SLC16A2: variants seen among roughly 807,000 people sequenced by gnomAD.
The protein encoded by SLC16A2 is solute carrier family 16 member 2.
Under a neutral mutation model 27.2 loss-of-function variants are expected in SLC16A2, and 3 were observed. The observed-to-expected ratio is 0.11, with a 90% CI of 0.05 to 0.28. The LOEUF is 0.28. Ranked by LOEUF, SLC16A2 falls within the 10% of genes least tolerant of loss-of-function variation. The probability of loss-of-function intolerance (pLI) is 1.00; values close to 1 mark genes in which losing one functional copy is unlikely to be tolerated. For synonymous variants in SLC16A2, 202 were observed against 187.8 expected (o/e 1.08, Z -0.62); for missense variants, 295 against 458.5 (o/e 0.64, Z 3.26).
intron 2 of SLC16A2, among the ~76,000 whole-genome samples, chrX:74,524,077 CTA>C (rs1339143616): frequency 9.0e-6 from 1 of 111,629 alleles, no homozygotes; most frequent in Non-Finnish European, 1.9e-5. Flanking sequence ...TGATGGGGTG[CTA>C]TGAGTCATGC....
intron 1 of SLC16A2, among the ~76,000 whole-genome samples, chrX:74,434,928 A>G (rs1258372627): frequency 9.5e-6 from 1 of 105,109 alleles, no homozygotes; most frequent in African/African-American, 3.5e-5. Flanking sequence ...GGTTCAAGCG[A>G]TTCTCCTGCC....
chrX:74,482,724 G>A (rs1209572076), intron 1 of SLC16A2, among the ~76,000 whole-genome samples: 1 of 109,786 alleles, frequency 9.1e-6, no homozygotes, highest in African/African-American at 3.3e-5. Context: ...CTTAGACAGG[G>A]TCTCTCTAGG....
intron 1 of SLC16A2, among the ~76,000 whole-genome samples, chrX:74,483,590 G>A (rs768231818): frequency 9.0e-6 from 1 of 110,581 alleles, no homozygotes; most frequent in Non-Finnish European, 1.9e-5. Flanking sequence ...TCCTTGGGGA[G>A]AGCCAAGGAG....
At chrX:74,446,620 A>AAAACAAACAAAC (rs77126990) in intron 1 of SLC16A2, among the ~76,000 whole-genome samples, 2 of 106,793 alleles carry the variant, frequency 1.9e-5, no homozygotes, top group African/African-American at 6.9e-5. Flanking sequence ...ACCCTGTTTC[A>AAAACAAACAAAC]AAACAAACAA....
intron 1 of SLC16A2, among the ~76,000 whole-genome samples, chrX:74,439,281 C>T (rs1173839631): frequency 1.1e-5 from 1 of 94,511 alleles, no homozygotes; most frequent in Non-Finnish European, 2.1e-5. Context: ...TCCTTCCTCC[C>T]TCCCTTCCTT....
chrX:74,470,729 G>C (rs1156855539), intron 1 of SLC16A2, among the ~76,000 whole-genome samples: 1 of 111,219 alleles, frequency 9.0e-6, no homozygotes, highest in African/African-American at 3.3e-5. Context: ...GGCAGATCAG[G>C]AGATCGAGAT....
intron 1 of SLC16A2, among the ~76,000 whole-genome samples, chrX:74,499,455 C>CTTTT (rs750553597): frequency 2.0e-5 from 2 of 99,566 alleles, no homozygotes; most frequent in African/African-American, 3.6e-5. Context: ...TTCTTTCTTT[C>CTTTT]TTTTTTTTTT....
chrX:74,460,965 T>G (rs1263181), intron 1 of SLC16A2, among the ~76,000 whole-genome samples: 44,700 of 110,863 alleles, frequency 0.4, 6,959 homozygotes, highest in East Asian at 0.97. Flanking sequence ...TTCAGCAGGT[T>G]TCTAAACATT....
chrX:74,429,719 T>A (rs191670716), intron 1 of SLC16A2, among the ~76,000 whole-genome samples: 1 of 111,830 alleles, frequency 8.9e-6, no homozygotes, highest in Non-Finnish European at 1.9e-5. Flanking sequence ...TACAGCAGGG[T>A]GTGTGATGTC....
At chrX:74,509,188 T>C (rs1930185562) in intron 1 of SLC16A2, among the ~76,000 whole-genome samples, 1 of 110,277 alleles carries the variant, frequency 9.1e-6, no homozygotes, top group Admixed American at 9.7e-5. Context: ...GGTCTTGAAC[T>C]CCTGGACTCA....
intron 1 of SLC16A2, among the ~76,000 whole-genome samples, chrX:74,498,342 A>G (rs1266014815): frequency 9.0e-6 from 1 of 111,226 alleles, no homozygotes; most frequent in Non-Finnish European, 1.9e-5. Flanking sequence ...TTACATTCTG[A>G]CAATCAACTG....
chrX:74,425,088 A>C lies in SLC16A2; in HGVS notation c.430+3021A>C, dbSNP rs191443299. Among the ~76,000 whole-genome samples, 290 of 111,609 alleles carry C rather than the reference A, an allele frequency of 2.6e-3. 1 individual carries two copies. Among genetic ancestry groups the C allele is most frequent in the African/African-American group, 8.2e-3 (253 of 30,696 alleles). ...TTGCTATGTTGCCCAGGCTGGTCTC[A>C]AACTCCTGGCCTCCAGCAGTCCTAC... On this transcript the variant is annotated intron_variant, in intron 1 of 5. Coordinates refer to ENST00000587091, the MANE Select transcript of SLC16A2 (RefSeq NM_006517.5).
chrX:74,478,659 C>T (rs1245742640), intron 1 of SLC16A2, among the ~76,000 whole-genome samples: 1 of 111,208 alleles, frequency 9.0e-6, no homozygotes, highest in Non-Finnish European at 1.9e-5. Flanking sequence ...CCTTCAGGAG[C>T]TCTTTTAGGG....
chrX:74,525,014 C>T (rs188254000), intron 3 of SLC16A2, among the ~76,000 whole-genome samples: 427 of 111,583 alleles, frequency 3.8e-3, no homozygotes, highest in Non-Finnish European at 6.7e-3. Flanking sequence ...GGGGGCAATT[C>T]CACAGGGGGA....
intron 1 of SLC16A2, among the ~76,000 whole-genome samples, chrX:74,515,450 C>G (rs1193799226): frequency 9.1e-6 from 1 of 110,443 alleles, no homozygotes; most frequent in Non-Finnish European, 1.9e-5. Flanking sequence ...CAGAGGAGTC[C>G]CAGAAGAGGA....
At chrX:74,458,836 C>T (rs186623907) in intron 1 of SLC16A2, among the ~76,000 whole-genome samples, 22 of 111,006 alleles carry the variant, frequency 2.0e-4, no homozygotes, top group African/African-American at 6.9e-4. Context: ...ATGAGTTCAA[C>T]TTTGTTAGAT....
chrX:74,442,631 T>C (rs1928771537), intron 1 of SLC16A2, among the ~76,000 whole-genome samples: 1 of 112,230 alleles, frequency 8.9e-6, no homozygotes, highest in East Asian at 2.8e-4. Flanking sequence ...ATCCTTACAA[T>C]AGCCCTGTGA....
intron 1 of SLC16A2, among the ~76,000 whole-genome samples, chrX:74,432,120 G>GT (rs1280387725): frequency 1.8e-5 from 2 of 111,757 alleles, no homozygotes; most frequent in Non-Finnish European, 1.9e-5. Flanking sequence ...CAAGGACTGA[G>GT]TTTTTTTAGT....
intron 1 of SLC16A2, among the ~76,000 whole-genome samples, chrX:74,444,651 A>G (rs1443279931): frequency 8.9e-6 from 1 of 112,398 alleles, no homozygotes; most frequent in African/African-American, 3.2e-5. Context: ...GGAAAAATAT[A>G]TGGAAAAAAC....
Sources: allele counts gnomAD v4.1 joint callset (sites outside exome capture counted in the v4.1 genomes callset), GRCh38; gene constraint gnomAD v4.1.1; transcripts MANE v1.5; gene names NCBI Gene and HGNC (gene_info 2026-07-23, HGNC 2026-07-21).